The following PTPRD variants were observed in gnomAD, a reference collection of about 807,000 sequenced individuals.
PTPRD encodes the protein protein tyrosine phosphatase receptor type D.
PTPRD carries 34 observed loss-of-function variants against 214.5 expected under a neutral mutation model. The ratio of observed to expected loss-of-function variants is 0.16; its 90% CI spans 0.12 to 0.21. The LOEUF is 0.21. Among genes scored for constraint, PTPRD ranks in the 10% least tolerant of loss-of-function variants. PTPRD has a pLI of 1.00. For missense variants in PTPRD, 2,545 were observed against 2,398.7 expected (o/e 1.06, Z -1.27); for synonymous variants, 1,128 against 845.7 (o/e 1.33, Z -5.79).
chr9:10,204,950 T>C (rs1289874998), intron 3 of PTPRD, among the ~76,000 whole-genome samples: 1 of 152,138 alleles, frequency 6.6e-6, no homozygotes, highest in East Asian at 1.9e-4. Flanking sequence ...TATAATTCCT[T>C]TATTCTATGA....
In PTPRD at chr9:8,599,041, G is replaced by A. The variant is rs186097135; in HGVS notation, c.352+34276C>T. On this transcript the variant is annotated intron_variant, in intron 14 of 45. Coordinates refer to ENST00000381196, the MANE Select transcript of PTPRD (RefSeq NM_002839.4). ...TATAACGTGTCCTGGGAAGGACCCG[G>A]TGGGAGATAACTGAATCAAGTGGGC... Among the ~76,000 whole-genome samples, 51 of 152,284 alleles carry A rather than the reference G, an allele frequency of 3.3e-4. 1 individual carries two copies. In the East Asian group the frequency reaches 9.5e-3, roughly 28 times the overall value.
intron 9 of PTPRD, among the ~76,000 whole-genome samples, chr9:9,334,746 A>G (rs2043754635): frequency 6.6e-6 from 1 of 151,942 alleles, no homozygotes; most frequent in African/African-American, 2.4e-5. Context: ...AGTGTCTATT[A>G]TTATCATGAT....
intron 11 of PTPRD, among the ~76,000 whole-genome samples, chr9:8,830,801 T>C (rs1196897778): frequency 6.6e-6 from 1 of 152,136 alleles, no homozygotes; most frequent in Non-Finnish European, 1.5e-5. Flanking sequence ...GCATACGTGA[T>C]GGTGAAATCA....
At chr9:8,932,801 C>G (rs947742959) in intron 11 of PTPRD, among the ~76,000 whole-genome samples, 2 of 152,158 alleles carry the variant, frequency 1.3e-5, no homozygotes, top group Non-Finnish European at 2.9e-5. Context: ...TCTTAGCTTG[C>G]TGGGCTCCGT....
At chr9:8,419,684 G>T (rs1416940092) in intron 35 of PTPRD, among the ~76,000 whole-genome samples, 1 of 150,984 alleles carries the variant, frequency 6.6e-6, no homozygotes, top group Non-Finnish European at 1.5e-5. Flanking sequence ...ATCCAGCTAG[G>T]GGAATTTTGG....
At chr9:8,691,159 C>T (rs2097792268) in intron 12 of PTPRD, among the ~76,000 whole-genome samples, 2 of 152,164 alleles carry the variant, frequency 1.3e-5, no homozygotes, top group East Asian at 1.9e-4. Context: ...CGAATATTCC[C>T]CATGGCCACT....
intron 4 of PTPRD, among the ~76,000 whole-genome samples, chr9:9,987,210 G>C (rs2095745985): frequency 6.6e-6 from 1 of 152,072 alleles, no homozygotes. Context: ...CATGGGTAGT[G>C]AATCTCCAAC....
intron 25 of PTPRD, 101 bp downstream of exon 25, chr9:8,499,546 A>AT (rs2136783740): frequency 1.6e-6 from 2 of 1,241,618 alleles, no homozygotes; most frequent in African/African-American, 1.5e-5. Context: ...TTTGTATAGG[A>AT]TTTTTTAAAT....
At chr9:8,454,863 T>A (rs1444368469) in intron 33 of PTPRD, among the ~76,000 whole-genome samples, 2 of 151,654 alleles carry the variant, frequency 1.3e-5, no homozygotes, top group African/African-American at 4.8e-5. Context: ...CCACGTGCAC[T>A]TTTATCCATC....
At chr9:10,283,496 C>G (rs561408371) in intron 3 of PTPRD, among the ~76,000 whole-genome samples, 24 of 152,202 alleles carry the variant, frequency 1.6e-4, no homozygotes, top group African/African-American at 5.5e-4. Context: ...TTGTTATTTG[C>G]ACTTATTTAG....
At chr9:9,274,714 A>G (rs1211381534) in intron 9 of PTPRD, among the ~76,000 whole-genome samples, 1 of 151,132 alleles carries the variant, frequency 6.6e-6, no homozygotes, top group Non-Finnish European at 1.5e-5. Context: ...AAGTAGAATA[A>G]TTGGTGTCTT....
chr9:10,121,908 A>T (rs1298587939), intron 3 of PTPRD, among the ~76,000 whole-genome samples: 1 of 151,940 alleles, frequency 6.6e-6, no homozygotes, highest in African/African-American at 2.4e-5. Context: ...CTACAATTTC[A>T]CCTCCTTCCT....
chr9:9,415,864 G>A (rs1214718908), intron 8 of PTPRD, among the ~76,000 whole-genome samples: 2 of 152,268 alleles, frequency 1.3e-5, no homozygotes, highest in Non-Finnish European at 2.9e-5. Flanking sequence ...CCGGTTAGTC[G>A]GGTAGGACGG....
intron 10 of PTPRD, among the ~76,000 whole-genome samples, chr9:9,093,414 T>A (rs1284016569): frequency 6.6e-6 from 1 of 151,994 alleles, no homozygotes; most frequent in Admixed American, 6.5e-5. Flanking sequence ...ATATTCACCA[T>A]GATAAACCAT....
chr9:10,355,542 G>C (rs369802515), intron 2 of PTPRD, among the ~76,000 whole-genome samples: 3 of 149,210 alleles, frequency 2.0e-5, no homozygotes, highest in African/African-American at 4.9e-5. Flanking sequence ...GCAACGGCAC[G>C]ATCTCAGCTC....
chr9:9,353,351 C>A (rs1267709208), intron 9 of PTPRD, among the ~76,000 whole-genome samples: 1 of 151,826 alleles, frequency 6.6e-6, no homozygotes, highest in Non-Finnish European at 1.5e-5. Flanking sequence ...AACTATTGAA[C>A]TACAGAATTT....
chr9:10,509,191 C>A (rs2047109475), intron 2 of PTPRD, among the ~76,000 whole-genome samples: 1 of 152,008 alleles, frequency 6.6e-6, no homozygotes, highest in African/African-American at 2.4e-5. Flanking sequence ...AATTTGCCTG[C>A]AACTCCATAT....
At chr9:10,548,839 A>G (rs143006436) in intron 2 of PTPRD, among the ~76,000 whole-genome samples, 145 of 152,326 alleles carry the variant, frequency 9.5e-4, no homozygotes, top group African/African-American at 3.3e-3. Flanking sequence ...CATGGGGGAA[A>G]GAAGCACAGT....
intron 34 of PTPRD, among the ~76,000 whole-genome samples, chr9:8,439,852 G>C (rs999114375): frequency 6.6e-6 from 1 of 151,188 alleles, no homozygotes; most frequent in African/African-American, 2.4e-5. Flanking sequence ...TGTTTTGTCT[G>C]GCAACCTGAC....
Sources: gnomAD v4.1 joint callset for allele counts (sites outside exome capture counted in the v4.1 genomes callset) on GRCh38, gnomAD v4.1.1 for gene constraint, MANE v1.5 for transcripts, NCBI Gene and HGNC (gene_info 2026-07-23, HGNC 2026-07-21) for gene names.